Variants in AFG2A observed in about 807,000 individuals in gnomAD.
AFG2A encodes AAA ATPase AFG2A, also known as ATPase family gene 2 protein homolog A.
the AFG2A span, among the ~76,000 whole-genome samples, chr4:123,295,916 CA>C: frequency 9.9e-5 from 15 of 151,498 alleles, no homozygotes; most frequent in African/African-American, 1.7e-4. Flanking sequence ...CAAAACAAAA[CA>C]AAAAAAAGAT....
the AFG2A span, among the ~76,000 whole-genome samples, chr4:122,948,826 A>G: frequency 2.6e-5 from 4 of 152,320 alleles, 1 homozygote; most frequent in South Asian, 6.2e-4. Context: ...TGCATCTGCC[A>G]TATACTCCGC....
the AFG2A span, among the ~76,000 whole-genome samples, chr4:123,165,996 T>C: frequency 6.6e-6 from 1 of 152,228 alleles, no homozygotes; most frequent in African/African-American, 2.4e-5. Context: ...TATTTTTGGC[T>C]TCATATTTTT....
chr4:122,990,134 G>A, the AFG2A span, among the ~76,000 whole-genome samples: 155 of 152,262 alleles, frequency 1.0e-3, no homozygotes, highest in African/African-American at 3.5e-3. Flanking sequence ...CCAAATTGCC[G>A]GGATTACAGA....
chr4:123,255,592 C>A, the AFG2A span, among the ~76,000 whole-genome samples: 27 of 149,644 alleles, frequency 1.8e-4, no homozygotes, highest in Admixed American at 1.6e-3. Context: ...AAGGAAGTTA[C>A]AAAAAAAATT....
the AFG2A span, among the ~76,000 whole-genome samples, chr4:123,264,585 C>G: frequency 6.6e-6 from 1 of 152,072 alleles, no homozygotes; most frequent in African/African-American, 2.4e-5. Context: ...ATGAAGGGAT[C>G]TTTCAGAGCA....
chr4:123,055,028 C>T, the AFG2A span, among the ~76,000 whole-genome samples: 34 of 152,108 alleles, frequency 2.2e-4, no homozygotes, highest in Non-Finnish European at 4.7e-4. Flanking sequence ...AAAACCCTTC[C>T]TATTGCTTAC....
the AFG2A span, among the ~76,000 whole-genome samples, chr4:123,268,127 A>G: frequency 6.6e-6 from 1 of 152,058 alleles, no homozygotes; most frequent in Non-Finnish European, 1.5e-5. Context: ...AAAACTAAGG[A>G]CCACTAATAT....
the AFG2A span, among the ~76,000 whole-genome samples, chr4:122,941,742 C>T: frequency 1.3e-3 from 197 of 147,682 alleles, no homozygotes; most frequent in Non-Finnish European, 1.8e-3. Flanking sequence ...CCAGTTTTTG[C>T]CTATTCAGTA....
chr4:123,073,214 C>T, the AFG2A span, among the ~76,000 whole-genome samples: 2 of 151,414 alleles, frequency 1.3e-5, no homozygotes, highest in East Asian at 3.9e-4. Flanking sequence ...CCTTCTCCGG[C>T]CTATCTCCTT....
At chr4:122,930,773 C>T in the AFG2A span, among the ~76,000 whole-genome samples, 1 of 152,146 alleles carries the variant, frequency 6.6e-6, no homozygotes, top group Admixed American at 6.5e-5. Context: ...AGCAGTAATT[C>T]GTTGACTGGA....
chr4:123,164,006 A>T, the AFG2A span, among the ~76,000 whole-genome samples: 1 of 152,190 alleles, frequency 6.6e-6, no homozygotes, highest in Non-Finnish European at 1.5e-5. Context: ...CACAGTCTGC[A>T]TTGAGTGTTC....
the AFG2A span, among the ~76,000 whole-genome samples, chr4:123,308,844 T>C: frequency 1.3e-5 from 2 of 152,202 alleles, no homozygotes; most frequent in Non-Finnish European, 2.9e-5. Flanking sequence ...ACTATTTACA[T>C]AGCCAGAGCA....
the AFG2A span, among the ~76,000 whole-genome samples, chr4:123,030,708 TGG>T: frequency 6.6e-6 from 1 of 152,224 alleles, no homozygotes; most frequent in Non-Finnish European, 1.5e-5. Context: ...TAATGAATGA[TGG>T]GTTTTTATTT....
At chr4:123,300,741 A>C in the AFG2A span, among the ~76,000 whole-genome samples, 1 of 107,352 alleles carries the variant, frequency 9.3e-6, no homozygotes, top group African/African-American at 3.1e-5. Flanking sequence ...GTATTATCCT[A>C]TGTTTTTTTT....
the AFG2A span, among the ~76,000 whole-genome samples, chr4:122,972,627 G>A: frequency 6.7e-6 from 1 of 148,574 alleles, no homozygotes; most frequent in Non-Finnish European, 1.5e-5. Flanking sequence ...TATTATATTT[G>A]TATTATTATT....
chr4:123,035,012 A>G, the AFG2A span, among the ~76,000 whole-genome samples: 2 of 152,084 alleles, frequency 1.3e-5, no homozygotes, highest in Non-Finnish European at 2.9e-5. Flanking sequence ...CCATAATGAT[A>G]GTGGAAAGTT....
the AFG2A span, chr4:123,314,875 C>T: frequency 6.6e-6 from 1 of 151,750 alleles, no homozygotes; most frequent in Non-Finnish European, 1.5e-5. Flanking sequence ...CCTGCCTCAA[C>T]CTCCTGAGTA....
At chr4:122,935,600 C>CT in the AFG2A span, 1 of 1,274,438 alleles carries the variant, frequency 7.8e-7, no homozygotes, top group Non-Finnish European at 1.0e-6. Context: ...ACTCTTGACT[C>CT]TTTTTGTGAC....
At chr4:123,222,159 T>C in the AFG2A span, among the ~76,000 whole-genome samples, 1 of 152,148 alleles carries the variant, frequency 6.6e-6, no homozygotes, top group Non-Finnish European at 1.5e-5. Flanking sequence ...TTGTTGGAAA[T>C]ACAGTTTGTC....
Sources: gnomAD v4.1 joint callset for allele counts (sites outside exome capture counted in the v4.1 genomes callset) on GRCh38, gnomAD v4.1.1 for gene constraint, MANE v1.5 for transcripts, NCBI Gene and HGNC (gene_info 2026-07-23, HGNC 2026-07-21) for gene names.